IYD: variants seen among roughly 807,000 people sequenced by gnomAD.
IYD encodes the protein iodotyrosine deiodinase 1.
A neutral mutation model predicts 28.4 loss-of-function variants in IYD; 25 were observed. The observed-to-expected ratio is 0.88, with a 90% CI of 0.64 to 1.23. IYD has a LOEUF of 1.23. IYD is among the 50% of genes most tolerant of loss of function. IYD has a pLI of 0.00. For synonymous variants in IYD, 140 were observed against 130.8 expected, an observed-to-expected ratio of 1.07 and a Z score of -0.48; for missense variants, 352 against 357.9, an observed-to-expected ratio of 0.98 and a Z score of 0.13.
chr6:150,372,451 G>T lies in IYD; in HGVS notation c.178+3242G>T, dbSNP rs13211582. On this transcript the variant is annotated intron_variant, in intron 1 of 4. Transcript: ENST00000344419. ...ATTAGACATGTGTGTGTGTGGGTGG[G>T]GTGGGGGGTGGTGAGGGAACATTGT... 4.8e-4 allele frequency among the ~76,000 whole-genome samples: 31 copies of T among 64,840 alleles called. 1 individual carries two copies. The highest frequency in any genetic ancestry group is 9.5e-4 in the Non-Finnish European group (21 of 22,210). The allele number at this position is 64,840 out of a possible 152,430, so 42.5% of individuals were successfully genotyped here.
intron 1 of IYD, among the ~76,000 whole-genome samples, chr6:150,388,147 G>A (rs1345359262): frequency 2.6e-5 from 4 of 152,194 alleles, no homozygotes; most frequent in African/African-American, 9.6e-5. Context: ...GGCAGGACAA[G>A]TTTATTCCAA....
chr6:150,373,722 C>T (rs1777351621), intron 1 of IYD, among the ~76,000 whole-genome samples: 1 of 152,220 alleles, frequency 6.6e-6, no homozygotes, highest in Non-Finnish European at 1.5e-5. Context: ...GGCTTACCAG[C>T]CCACCACTGC....
In IYD at chr6:150,404,072, C is replaced by G. The variant is rs546681103; in HGVS notation, c.*5835C>G. The G allele has an allele frequency of 2.6e-5, 4 of 152,334 alleles. No homozygotes were observed. The highest frequency in any genetic ancestry group is 9.6e-5 in the African/African-American group (4 of 41,580). 9.4% of individuals were successfully genotyped at this position (152,334 alleles called of 1,614,324 possible). ...AACCACAGCACTCAGGGCACTGTCTCCCAGCGCTGGAGTACTGTCTTATGA... is the reference window on the plus strand; with the variant it reads ...AACCACAGCACTCAGGGCACTGTCTGCCAGCGCTGGAGTACTGTCTTATGA... On this transcript the variant is annotated 3_prime_UTR_variant, in exon 5 of 5. Transcript: ENST00000344419.
In IYD at chr6:150,399,611, T is replaced by C. The variant is rs922477416; in HGVS notation, c.*1374T>C. 2 of 152,228 alleles carry C rather than the reference T, an allele frequency of 1.3e-5. No individual in the cohort carries two copies. Among genetic ancestry groups the C allele is most frequent in the African/African-American group, 4.8e-5 (2 of 41,450 alleles). The allele number at this position is 152,228 out of a possible 1,614,324, so 9.4% of individuals were successfully genotyped here. A position where few individuals can be genotyped will look rare whatever the true frequency, so the allele number is the denominator to read the frequency against. On this transcript the variant is annotated 3_prime_UTR_variant, in exon 5 of 5. Coordinates refer to ENST00000344419, the MANE Select transcript of IYD (RefSeq NM_203395.3). ...TTCTTCTTCTTGTCCTCATTTTCCT[T>C]GAGAAAACTCTCTCTATAAAAAATT...
At chr6:150,393,516 A>G (rs971453220) in intron 3 of IYD, among the ~76,000 whole-genome samples, 1 of 152,234 alleles carries the variant, frequency 6.6e-6, no homozygotes, top group Non-Finnish European at 1.5e-5. Flanking sequence ...CTTGCTAATG[A>G]ATGATATAAG....
Position 150,392,377 on chromosome 6 carries a change from T to C in IYD, c.403T>C (p.Trp135Arg). ...TAPSGAHTEP[W>R]TFVVVKDPDV... ...CCCGAGTGGGGCTCACACAGAGCCC[T>C]GGACCTTCGTGGTTGTGAAGGACCC... The change falls in exon 3 of 5, where the codon TGG (tryptophan) becomes CGG (arginine). Residue 135 changes from tryptophan (W) to arginine (R), a missense_variant. Transcript: ENST00000344419. The C allele has an allele frequency of 1.2e-6, 2 of 1,613,788 alleles. No individual in the cohort carries two copies. Among genetic ancestry groups the C allele is most frequent in the Admixed American group, 1.7e-5 (1 of 60,022 alleles).
At chr6:150,370,938 A>C (rs779929981) in intron 1 of IYD, among the ~76,000 whole-genome samples, 29 of 152,134 alleles carry the variant, frequency 1.9e-4, no homozygotes, top group Non-Finnish European at 3.5e-4. Context: ...GAAAAGGGAG[A>C]CAGCAGTCTA....
intron 1 of IYD, among the ~76,000 whole-genome samples, chr6:150,378,231 A>G (rs1436223514): frequency 3.3e-5 from 5 of 151,006 alleles, no homozygotes; most frequent in African/African-American, 2.5e-5. Flanking sequence ...CACAATGTGC[A>G]GGTTAGTTAC....
chr6:150,392,224 G>T, intron 2 of IYD, 121 bp from the exon 3 acceptor site: 2 of 1,508,864 alleles, frequency 1.3e-6, no homozygotes. Context: ...GCAAAATTTT[G>T]TTTGATCCTC....
intron 1 of IYD, among the ~76,000 whole-genome samples, chr6:150,386,005 C>G (rs1275936146): frequency 1.3e-5 from 2 of 151,914 alleles, no homozygotes; most frequent in African/African-American, 4.8e-5. Context: ...TGTGCTTTCT[C>G]TTTTCCTTGA....
At chr6:150,396,928 A>C (rs955617185) in intron 4 of IYD, 6 of 152,498 alleles carry the variant, frequency 3.9e-5, no homozygotes, top group Non-Finnish European at 7.3e-5. Context: ...ATACTATGTG[A>C]AGATATGATC....
At chr6:150,391,821 G>A (rs1778129603) in intron 2 of IYD, among the ~76,000 whole-genome samples, 1 of 152,050 alleles carries the variant, frequency 6.6e-6, no homozygotes, top group Non-Finnish European at 1.5e-5. Flanking sequence ...CGATTCTCCT[G>A]TCTCAGCCTC....
chr6:150,379,386 T>A (rs753097266), intron 1 of IYD, among the ~76,000 whole-genome samples: 7 of 152,234 alleles, frequency 4.6e-5, no homozygotes, highest in Non-Finnish European at 1.0e-4. Flanking sequence ...TCACATTGTC[T>A]GCTAAATATA....
chr6:150,397,775 T>C (rs1778377804), intron 4 of IYD, among the ~76,000 whole-genome samples: 1 of 147,986 alleles, frequency 6.8e-6, no homozygotes, highest in Non-Finnish European at 1.5e-5. Flanking sequence ...TTCTGTAAAA[T>C]AACCATTCCT....
intron 4 of IYD, chr6:150,395,548 A>C (rs746288487): frequency 4.0e-5 from 62 of 1,537,204 alleles, no homozygotes; most frequent in Non-Finnish European, 5.2e-5. Flanking sequence ...CAGCAAGCTC[A>C]GCTCACAAGG....
At chr6:150,393,018 C>T (rs1208169776) in intron 3 of IYD, among the ~76,000 whole-genome samples, 1 of 152,122 alleles carries the variant, frequency 6.6e-6, no homozygotes, top group Non-Finnish European at 1.5e-5. Flanking sequence ...GAAGCACAGT[C>T]CGCGTGCTCT....
At chr6:150,375,069 A>T (rs1777397826) in intron 1 of IYD, among the ~76,000 whole-genome samples, 1 of 152,184 alleles carries the variant, frequency 6.6e-6, no homozygotes, top group Non-Finnish European at 1.5e-5. Flanking sequence ...TACCCACCTC[A>T]GTGCTACTAA....
intron 4 of IYD, chr6:150,396,303 A>T: frequency 2.3e-6 from 1 of 437,108 alleles, no homozygotes; most frequent in African/African-American, 2.1e-5. Flanking sequence ...GCTAAATTCA[A>T]TCCTTGGCCC....
In IYD at chr6:150,389,554, G is replaced by A; in HGVS notation, c.370+11G>A. 1.2e-6 allele frequency: 2 copies of A among 1,611,186 alleles called. No individual in the cohort carries two copies. Among genetic ancestry groups the A allele is most frequent in the South Asian group, 1.1e-5 (1 of 90,948 alleles). On this transcript the variant is annotated intron_variant, in intron 2 of 4. Coordinates refer to ENST00000344419, the MANE Select transcript of IYD (RefSeq NM_203395.3). The stretch of plus-strand genomic sequence containing the variant: ...TCATCAGAACGGCAGGTTTGTAATT[G>A]CAGATGGGGTCTTTGGAAATGTTAG...
Sources: allele counts gnomAD v4.1 joint callset (sites outside exome capture counted in the v4.1 genomes callset), GRCh38; gene constraint gnomAD v4.1.1; transcripts MANE v1.5; gene names NCBI Gene and HGNC (gene_info 2026-07-23, HGNC 2026-07-21).